The following SAMD4A variants were observed in gnomAD, a reference collection of about 807,000 sequenced individuals.
The protein encoded by SAMD4A is protein Smaug homolog 1.
Under a neutral mutation model 81.3 loss-of-function variants are expected in SAMD4A, and 33 were observed. That is an observed-to-expected ratio of 0.41 (90% CI 0.31 to 0.54). SAMD4A has a LOEUF of 0.54. SAMD4A is among the 20% of genes least tolerant of loss of function. SAMD4A has a pLI of 0.37. For synonymous variants in SAMD4A, 389 were observed against 382.1 expected (o/e 1.02, Z -0.21); for missense variants, 854 against 951.1 (o/e 0.90, Z 1.34).
At chr14:54,620,473 C>T (rs1233914992) in intron 2 of SAMD4A, among the ~76,000 whole-genome samples, 3 of 152,106 alleles carry the variant, frequency 2.0e-5, no homozygotes, top group Non-Finnish European at 4.4e-5. Flanking sequence ...GCATTCCTTC[C>T]CGCTCACATG....
intron 2 of SAMD4A, among the ~76,000 whole-genome samples, chr14:54,655,066 G>A (rs1398366473): frequency 6.6e-6 from 1 of 152,180 alleles, no homozygotes; most frequent in African/African-American, 2.4e-5. Context: ...CCTCAGCTTT[G>A]CAGATCTGAA....
chr14:54,702,150 C>T lies in SAMD4A; in HGVS notation c.285C>T (p.Leu95=), dbSNP rs750790519. The change falls in exon 3 of 13, where the codon CTC becomes CTT. Residue 95 remains leucine, a synonymous_variant. Transcript: ENST00000554335. ...THLPLLKPGN[L]DAKVEYMKLL... Reference sequence around the variant, plus strand: ...TGCCTTTGCTGAAGCCAGGAAACCTCGACGCGAAAGTAGAATATATGAAAC... The same window carrying T: ...TGCCTTTGCTGAAGCCAGGAAACCTTGACGCGAAAGTAGAATATATGAAAC... 22 of 1,614,040 alleles carry T rather than the reference C, an allele frequency of 1.4e-5. No homozygotes were observed. Among genetic ancestry groups the T allele is most frequent in the South Asian group, 2.2e-5 (2 of 91,086 alleles).
intron 2 of SAMD4A, among the ~76,000 whole-genome samples, chr14:54,612,190 GT>G (rs1312771602): frequency 9.2e-5 from 14 of 151,882 alleles, no homozygotes; most frequent in Admixed American, 4.6e-4. Flanking sequence ...TGGAGAAAAA[GT>G]TTTTTTTCAA....
intron 8 of SAMD4A, among the ~76,000 whole-genome samples, chr14:54,769,608 C>A (rs2038647781): frequency 6.6e-6 from 1 of 152,114 alleles, no homozygotes; most frequent in Non-Finnish European, 1.5e-5. Flanking sequence ...GATGTCTCAG[C>A]AAAGCCCTGA....
chr14:54,589,618 AT>A (rs2033720601), intron 2 of SAMD4A, among the ~76,000 whole-genome samples: 1 of 152,066 alleles, frequency 6.6e-6, no homozygotes, highest in Non-Finnish European at 1.5e-5. Context: ...TCATTCACTA[AT>A]TTTTATTTTG....
chr14:54,730,645 T>C (rs1315843130), intron 3 of SAMD4A, among the ~76,000 whole-genome samples: 1 of 152,206 alleles, frequency 6.6e-6, no homozygotes, highest in East Asian at 1.9e-4. Context: ...TGGCTTTTAA[T>C]CTATTCCCTG....
chr14:54,710,919 G>A (rs2036973777), intron 3 of SAMD4A, among the ~76,000 whole-genome samples: 1 of 152,182 alleles, frequency 6.6e-6, no homozygotes, highest in Non-Finnish European at 1.5e-5. Flanking sequence ...CAAATTCCTG[G>A]CACAGATTCA....
At chr14:54,577,031 A>T (rs2033318188) in intron 2 of SAMD4A, among the ~76,000 whole-genome samples, 1 of 152,232 alleles carries the variant, frequency 6.6e-6, no homozygotes, top group Non-Finnish European at 1.5e-5. Context: ...CAAAGAGAGA[A>T]ACAAGGAAGG....
At chr14:54,711,103 G>C (rs1375861381) in intron 3 of SAMD4A, among the ~76,000 whole-genome samples, 1 of 152,020 alleles carries the variant, frequency 6.6e-6, no homozygotes. Flanking sequence ...TGAACAGTAG[G>C]GACTTAATAA....
At chr14:54,788,012 C>T (rs2039183879) in intron 12 of SAMD4A, among the ~76,000 whole-genome samples, 1 of 152,154 alleles carries the variant, frequency 6.6e-6, no homozygotes, top group African/African-American at 2.4e-5. Flanking sequence ...GTCATATCCC[C>T]TGCCTTCTCT....
intron 3 of SAMD4A, among the ~76,000 whole-genome samples, chr14:54,706,489 C>G (rs1038076029): frequency 1.3e-5 from 2 of 151,374 alleles, no homozygotes. Flanking sequence ...CCTGTAATCC[C>G]AGCTACGCAG....
chr14:54,573,991 A>G (rs2033210795), intron 2 of SAMD4A, among the ~76,000 whole-genome samples: 1 of 152,250 alleles, frequency 6.6e-6, no homozygotes, highest in Non-Finnish European at 1.5e-5. Context: ...TTACTAGGAA[A>G]AAGCAATCAA....
chr14:54,770,755 C>T (rs768075822), intron 9 of SAMD4A, among the ~76,000 whole-genome samples: 5 of 152,160 alleles, frequency 3.3e-5, no homozygotes, highest in Non-Finnish European at 7.3e-5. Context: ...TTCTTGCACG[C>T]AGTTAAAAAT....
At chr14:54,706,418 A>G (rs919015255) in intron 3 of SAMD4A, among the ~76,000 whole-genome samples, 16 of 151,976 alleles carry the variant, frequency 1.1e-4, no homozygotes, top group African/African-American at 3.9e-4. Flanking sequence ...CAGCCTGGCC[A>G]ACATGGTGAA....
At chr14:54,585,181 C>T (rs755229938) in intron 2 of SAMD4A, among the ~76,000 whole-genome samples, 1 of 152,012 alleles carries the variant, frequency 6.6e-6, no homozygotes, top group Non-Finnish European at 1.5e-5. Context: ...TTTAATGCAC[C>T]ATCATAAACT....
At chr14:54,677,838 A>AT (rs562754471) in intron 2 of SAMD4A, among the ~76,000 whole-genome samples, 3 of 152,194 alleles carry the variant, frequency 2.0e-5, no homozygotes, top group East Asian at 3.9e-4. Context: ...TTAAAAGGGC[A>AT]TTTTTTTCTA....
intron 2 of SAMD4A, among the ~76,000 whole-genome samples, chr14:54,592,471 G>GT (rs2033804384): frequency 6.6e-6 from 1 of 150,618 alleles, no homozygotes; most frequent in Non-Finnish European, 1.5e-5. Context: ...TTCTTTTTTT[G>GT]TTTTTTGATA....
chr14:54,747,692 G>T (rs1327140365), intron 4 of SAMD4A, among the ~76,000 whole-genome samples: 1 of 152,204 alleles, frequency 6.6e-6, no homozygotes, highest in Non-Finnish European at 1.5e-5. Context: ...TAGGCTGTTT[G>T]GTCCTCATTT....
At chr14:54,727,157 CT>C (rs1397168034) in intron 3 of SAMD4A, among the ~76,000 whole-genome samples, 3 of 66,020 alleles carry the variant, frequency 4.5e-5, no homozygotes, top group Admixed American at 3.3e-4. Context: ...CAACAGCCTT[CT>C]TTTTTTCCTT....
Sources: gnomAD v4.1 joint callset for allele counts (sites outside exome capture counted in the v4.1 genomes callset) on GRCh38, gnomAD v4.1.1 for gene constraint, MANE v1.5 for transcripts, NCBI Gene and HGNC (gene_info 2026-07-23, HGNC 2026-07-21) for gene names.